LSM12: variants seen among roughly 807,000 people sequenced by gnomAD.
LSM12 encodes the protein LSM12 homolog.
For missense variants in LSM12, 108 were observed against 238.9 expected (o/e 0.45, Z 3.61); for synonymous variants, 74 against 87.3 (o/e 0.85, Z 0.85).
intron 2 of LSM12, among the ~76,000 whole-genome samples, chr17:44,052,273 C>T (rs2049654978): frequency 1.3e-5 from 2 of 151,012 alleles, no homozygotes. Context: ...AAAAAAAACC[C>T]TGAGCCCAGC....
intron 2 of LSM12, among the ~76,000 whole-genome samples, chr17:44,041,282 A>C (rs1216116428): frequency 2.4e-4 from 31 of 130,320 alleles, no homozygotes; most frequent in African/African-American, 3.7e-4. Context: ...TTAAAAAAAA[A>C]AAAAACAAAC....
chr17:44,063,999 G>C, intron 1 of LSM12, 65 bp from the exon 2 acceptor site: 1 of 1,566,892 alleles, frequency 6.4e-7, no homozygotes, highest in South Asian at 1.2e-5. Context: ...ATCCCAAAAG[G>C]GGCATAGAAA....
At chr17:44,037,197 T>C in intron 4 of LSM12, 1 of 450,392 alleles carries the variant, frequency 2.2e-6, no homozygotes, top group Non-Finnish European at 3.8e-6. Flanking sequence ...GCAAAGGACA[T>C]AGGGTCACCC....
At chr17:44,055,546 G>A (rs986698873) in intron 2 of LSM12, among the ~76,000 whole-genome samples, 6 of 149,398 alleles carry the variant, frequency 4.0e-5, no homozygotes, top group East Asian at 2.0e-4. Flanking sequence ...GCATTGTGGC[G>A]CATGCCTGTA....
chr17:44,040,291 G>T (rs1427107269), intron 2 of LSM12, 35 bp from the exon 3 acceptor site: 2 of 1,508,044 alleles, frequency 1.3e-6, no homozygotes, highest in Non-Finnish European at 9.2e-7. Context: ...CTCAGAATAG[G>T]ATTCATCTTC....
intron 2 of LSM12, among the ~76,000 whole-genome samples, chr17:44,044,571 C>T (rs977884273): frequency 2.0e-5 from 3 of 152,104 alleles, no homozygotes; most frequent in African/African-American, 7.2e-5. Flanking sequence ...TTTAGGGATC[C>T]GGACTCAGCT....
At chr17:44,066,393 G>C in intron 1 of LSM12, 71 bp downstream of exon 1, 2 of 1,482,034 alleles carry the variant, frequency 1.3e-6, no homozygotes, top group Non-Finnish European at 1.8e-6. Context: ...AGCCGCCGCC[G>C]TCGTCCCCCA....
chr17:44,037,546 G>A lies in LSM12; in HGVS notation c.369-8C>T. 1 of 1,603,202 alleles carries A rather than the reference G, an allele frequency of 6.2e-7. No homozygotes were observed. Among genetic ancestry groups the A allele is most frequent in the Non-Finnish European group, 8.5e-7 (1 of 1,175,420 alleles). On this transcript the variant is annotated splice_polypyrimidine_tract_variant and splice_region_variant and intron_variant, in intron 3 of 4. Transcript: ENST00000293406. ...CATTTACAGTCTTTAATGCTGGAAG[G>A]AGAAGACAGCAGGCGAAATGTAACC...
intron 2 of LSM12, among the ~76,000 whole-genome samples, chr17:44,058,040 T>C (rs2049742079): frequency 6.6e-6 from 1 of 151,012 alleles, no homozygotes; most frequent in African/African-American, 2.4e-5. Context: ...ATTGAGACCA[T>C]CCTAGCTAAC....
intron 2 of LSM12, among the ~76,000 whole-genome samples, chr17:44,063,482 C>T (rs1247278903): frequency 1.3e-5 from 2 of 151,910 alleles, no homozygotes; most frequent in Non-Finnish European, 2.9e-5. Context: ...AATTTGAAGA[C>T]ATTCATAGGT....
intron 3 of LSM12, among the ~76,000 whole-genome samples, chr17:44,038,644 A>G (rs1481707339): frequency 6.6e-6 from 1 of 151,742 alleles, no homozygotes; most frequent in East Asian, 1.9e-4. Context: ...ACAGAGTGAG[A>G]CTCCGACTCA....
intron 2 of LSM12, among the ~76,000 whole-genome samples, chr17:44,042,017 T>C (rs2049501288): frequency 6.6e-6 from 1 of 152,102 alleles, no homozygotes. Flanking sequence ...CTGGGCCCAG[T>C]GGCTCACGCC....
chr17:44,065,870 A>C (rs1423013722), intron 1 of LSM12, among the ~76,000 whole-genome samples: 1 of 151,032 alleles, frequency 6.6e-6, no homozygotes, highest in Non-Finnish European at 1.5e-5. Flanking sequence ...CAGCCCCCCC[A>C]CCACACATAC....
intron 2 of LSM12, among the ~76,000 whole-genome samples, chr17:44,054,740 T>C (rs1317746220): frequency 3.3e-5 from 5 of 152,202 alleles, no homozygotes; most frequent in Non-Finnish European, 7.3e-5. Flanking sequence ...ATCTTCCTGA[T>C]GCTTCTATGA....
At chr17:44,048,018 AACACACACACACACACAC>A (rs57164806) in intron 2 of LSM12, among the ~76,000 whole-genome samples, 57 of 137,488 alleles carry the variant, frequency 4.1e-4, no homozygotes, top group South Asian at 1.7e-3. Context: ...GTCCGTATTA[AACACACACACACACACAC>A]ACACACACAC....
intron 2 of LSM12, among the ~76,000 whole-genome samples, chr17:44,046,095 C>T (rs1488136039): frequency 6.6e-6 from 1 of 151,496 alleles, no homozygotes; most frequent in African/African-American, 2.4e-5. Context: ...CGCCACCACG[C>T]CCGGATAATT....
At chr17:44,057,811 C>G (rs889957728) in intron 2 of LSM12, among the ~76,000 whole-genome samples, 7 of 151,704 alleles carry the variant, frequency 4.6e-5, no homozygotes, top group African/African-American at 1.7e-4. Context: ...TCAAAGTTTC[C>G]AAGAACCTAC....
intron 2 of LSM12, among the ~76,000 whole-genome samples, chr17:44,051,821 T>C (rs1348112028): frequency 1.3e-5 from 2 of 150,962 alleles, no homozygotes; most frequent in African/African-American, 4.9e-5. Context: ...CCAAAAAAAA[T>C]GTTAGGGCAG....
chr17:44,064,158 A>G (rs1390563026), intron 1 of LSM12, among the ~76,000 whole-genome samples: 1 of 152,116 alleles, frequency 6.6e-6, no homozygotes, highest in Non-Finnish European at 1.5e-5. Context: ...CTTTCTCTCT[A>G]CTGGCTTTAT....
Sources: gnomAD v4.1 joint callset for allele counts (sites outside exome capture counted in the v4.1 genomes callset) on GRCh38, gnomAD v4.1.1 for gene constraint, MANE v1.5 for transcripts, NCBI Gene and HGNC (gene_info 2026-07-23, HGNC 2026-07-21) for gene names.